The following PPA2 variants were observed in gnomAD, a reference collection of about 807,000 sequenced individuals.
PPA2 encodes the protein inorganic pyrophosphatase 2, also known as inorganic pyrophosphatase 2, mitochondrial.
Under a neutral mutation model 49.5 loss-of-function variants are expected in PPA2, and 48 were observed. The observed-to-expected ratio is 0.97, with a 90% confidence interval of 0.77 to 1.23. The LOEUF (loss-of-function observed/expected upper bound fraction) is 1.23. Ranked by LOEUF, PPA2 falls within the 50% of genes most tolerant of loss-of-function variation. The probability of loss-of-function intolerance (pLI) is 0.00; values close to 1 mark genes in which losing one functional copy is unlikely to be tolerated. For synonymous variants in PPA2, 131 were observed against 139.9 expected (o/e 0.94, Z 0.45); for missense variants, 429 against 410.1 (o/e 1.05, Z -0.40).
intron 7 of PPA2, chr4:105,405,120 C>T: frequency 1.9e-6 from 1 of 535,594 alleles, no homozygotes; most frequent in Non-Finnish European, 2.4e-6. Context: ...AATACACAAA[C>T]ATGAGTTAAT....
intron 10 of PPA2, among the ~76,000 whole-genome samples, chr4:105,386,010 G>A (rs1733665530): frequency 6.6e-6 from 1 of 151,600 alleles, no homozygotes; most frequent in South Asian, 2.1e-4. Flanking sequence ...CTGCCGAGTA[G>A]CTGGGATTAC....
At chr4:105,418,915 C>G (rs1048162095) in intron 7 of PPA2, among the ~76,000 whole-genome samples, 1 of 152,086 alleles carries the variant, frequency 6.6e-6, no homozygotes, top group African/African-American at 2.4e-5. Context: ...TTAATTTAAC[C>G]ACGAGAAAAA....
At chr4:105,465,047 T>G (rs1723246640) in intron 1 of PPA2, among the ~76,000 whole-genome samples, 4 of 152,186 alleles carry the variant, frequency 2.6e-5, no homozygotes, top group Admixed American at 2.6e-4. Flanking sequence ...TATCAAAAAT[T>G]TCTCTTAGAT....
intron 6 of PPA2, among the ~76,000 whole-genome samples, chr4:105,436,426 A>G (rs1724060441): frequency 1.3e-5 from 2 of 152,182 alleles, no homozygotes; most frequent in African/African-American, 4.8e-5. Flanking sequence ...AATTCCTATC[A>G]AATTACCAAT....
intron 2 of PPA2, among the ~76,000 whole-genome samples, chr4:105,454,497 AT>A (rs908573155): frequency 6.6e-6 from 1 of 150,868 alleles, no homozygotes; most frequent in African/African-American, 2.4e-5. Context: ...GGCCTGGCTA[AT>A]TTTTTTTTGT....
chr4:105,438,410 C>T (rs1302860779), intron 5 of PPA2, among the ~76,000 whole-genome samples: 3 of 152,156 alleles, frequency 2.0e-5, no homozygotes, highest in East Asian at 1.9e-4. Context: ...CTGTGGCTTC[C>T]GTCATTCACC....
At chr4:105,462,021 G>T (rs1723113734) in intron 1 of PPA2, among the ~76,000 whole-genome samples, 1 of 152,174 alleles carries the variant, frequency 6.6e-6, no homozygotes, top group Non-Finnish European at 1.5e-5. Flanking sequence ...TCCATTTAAA[G>T]GGTATTAAAA....
At position 105,424,178 on chromosome 4, in the gene PPA2, G is replaced by T; in HGVS notation, c.655+18C>A. On this transcript the variant is annotated intron_variant, in intron 7 of 11. Coordinates refer to ENST00000341695, the MANE Select transcript of PPA2 (RefSeq NM_176869.3). ...ACACACTAATTTGCTTTCACTTTCT[G>T]GAAAGTAACAGTCTTACCATGAAAC... 6.3e-7 allele frequency: 1 copy of T among 1,592,540 alleles called. No individual in the cohort carries two copies. Among genetic ancestry groups the T allele is most frequent in the Non-Finnish European group, 8.5e-7 (1 of 1,174,764 alleles).
intron 6 of PPA2, among the ~76,000 whole-genome samples, chr4:105,437,567 G>T (rs1293415656): frequency 6.6e-6 from 1 of 152,026 alleles, no homozygotes; most frequent in Non-Finnish European, 1.5e-5. Flanking sequence ...GACAGGACTT[G>T]GCAAATTTTT....
intron 6 of PPA2, among the ~76,000 whole-genome samples, chr4:105,428,298 G>A (rs922149053): frequency 2.6e-5 from 4 of 152,054 alleles, no homozygotes; most frequent in East Asian, 1.9e-4. Context: ...CAATTAATGC[G>A]CAAAATAACC....
Position 105,405,513 on chromosome 4 carries a change from T to C in PPA2, c.656-6349A>G, listed in dbSNP as rs1011977382. On this transcript the variant is annotated intron_variant, in intron 7 of 11. Transcript: ENST00000341695. ...ACATTTGGAATGGAGAGGGAATATA[T>C]AAATAGAATTACTTGAGTGAAGTAC... The C allele has an allele frequency of 7.6e-6, 7 of 922,350 alleles. No homozygotes were observed. The South Asian group carries it at 2.0e-4, about 26-fold the overall frequency. The allele number at this position is 922,350 out of a possible 1,614,324, so 57.1% of individuals were successfully genotyped here.
chr4:105,435,672 G>T (rs1220114803), intron 6 of PPA2, among the ~76,000 whole-genome samples: 1 of 152,024 alleles, frequency 6.6e-6, no homozygotes, highest in East Asian at 1.9e-4. Context: ...CAATAAATGG[G>T]ATTCACCACA....
chr4:105,369,786 G>C, intron 11 of PPA2, 33 bp from the exon 12 acceptor site: 1 of 1,546,272 alleles, frequency 6.5e-7, no homozygotes, highest in Non-Finnish European at 8.9e-7. Context: ...GGGTATTAGG[G>C]AAGGGATAAG....
chr4:105,424,403 A>G (rs977973762), intron 6 of PPA2, 81 bp from the exon 7 acceptor site: 1 of 1,250,532 alleles, frequency 8.0e-7, no homozygotes, highest in Non-Finnish European at 1.1e-6. Context: ...TAAAAGATTA[A>G]AAGAACTACA....
intron 3 of PPA2, among the ~76,000 whole-genome samples, chr4:105,452,404 C>T (rs74953106): frequency 0.03 from 4,558 of 152,224 alleles, 205 homozygotes; most frequent in African/African-American, 0.094. Context: ...TCAAACTTCA[C>T]GTTTAGGATG....
intron 1 of PPA2, among the ~76,000 whole-genome samples, chr4:105,470,510 T>TA (rs1301470307): frequency 6.6e-6 from 1 of 151,898 alleles, no homozygotes; most frequent in Non-Finnish European, 1.5e-5. Context: ...ACCAAAAAAA[T>TA]AAAAATAAAA....
intron 7 of PPA2, 106 bp from the exon 8 acceptor site, chr4:105,399,270 A>T (rs1259696917): frequency 9.3e-6 from 10 of 1,075,388 alleles, no homozygotes; most frequent in Non-Finnish European, 1.3e-5. Flanking sequence ...GCCCAGTCTA[A>T]CCAGAAGCAC....
chr4:105,417,826 CA>C (rs1415556444), intron 7 of PPA2, among the ~76,000 whole-genome samples: 2 of 152,106 alleles, frequency 1.3e-5, no homozygotes, highest in Non-Finnish European at 2.9e-5. Flanking sequence ...TAGAAAGCGA[CA>C]AGGTCCAAGG....
intron 1 of PPA2, among the ~76,000 whole-genome samples, chr4:105,460,877 A>ATATATATATATATATAT (rs1553929836): frequency 2.0e-5 from 3 of 151,500 alleles, no homozygotes; most frequent in African/African-American, 4.9e-5. Flanking sequence ...ATAGTTTTCT[A>ATATATATATATATATAT]ATTGTCATTT....
Sources: gnomAD v4.1 joint callset for allele counts (sites outside exome capture counted in the v4.1 genomes callset) on GRCh38, gnomAD v4.1.1 for gene constraint, MANE v1.5 for transcripts, NCBI Gene and HGNC (gene_info 2026-07-23, HGNC 2026-07-21) for gene names.